The following UBE3A variants were observed in gnomAD, a reference collection of about 807,000 sequenced individuals.
The protein encoded by UBE3A is ubiquitin protein ligase E3A, also known as ubiquitin-protein ligase E3A.
UBE3A carries 6 observed loss-of-function variants against 83.4 expected under a neutral mutation model. The ratio of observed to expected loss-of-function variants is 0.07; its 90% CI spans 0.04 to 0.14. The LOEUF (loss-of-function observed/expected upper bound fraction) is 0.14. UBE3A is among the 10% of genes least tolerant of loss of function. The pLI is 1.00. For synonymous variants in UBE3A, 337 were observed against 355.4 expected (o/e 0.95, Z 0.58); for missense variants, 456 against 1,036.1 (o/e 0.44, Z 7.69).
At chr15:25,376,487 T>A (rs146815289) in intron 4 of UBE3A, among the ~76,000 whole-genome samples, 1 of 151,598 alleles carries the variant, frequency 6.6e-6, no homozygotes, top group Non-Finnish European at 1.5e-5. Flanking sequence ...CTCTACAAAC[T>A]TTTTTAAAAA....
At chr15:25,425,249 T>C (rs1180965883) in intron 1 of UBE3A, among the ~76,000 whole-genome samples, 1 of 152,046 alleles carries the variant, frequency 6.6e-6, no homozygotes, top group Non-Finnish European at 1.5e-5. Flanking sequence ...ATATGAAATA[T>C]CCAGAATAAA....
chr15:25,348,072 A>C (rs1027860285), intron 11 of UBE3A, among the ~76,000 whole-genome samples: 2 of 152,136 alleles, frequency 1.3e-5, no homozygotes, highest in African/African-American at 2.4e-5. Flanking sequence ...CACTCATATC[A>C]GATTCAGAGC....
At position 25,405,697 on chromosome 15, in the gene UBE3A, A is replaced by T; in HGVS notation, c.21-195T>A. 3 of 610,622 alleles carry T rather than the reference A, an allele frequency of 4.9e-6. No homozygotes were observed. In the South Asian group the frequency reaches 6.0e-5, roughly 12 times the overall value. The allele number at this position is 610,622 out of a possible 1,614,324, so 37.8% of individuals were successfully genotyped here. On this transcript the variant is annotated intron_variant, in intron 3 of 12. Coordinates refer to ENST00000648336, the MANE Select transcript of UBE3A (RefSeq NM_130839.5). ...ACAACACATTTATTTTAAGGGTTGG[A>T]CTATTAAAAAACTCAATGCATGTTT...
intron 1 of UBE3A, among the ~76,000 whole-genome samples, chr15:25,415,478 A>G (rs1355348134): frequency 2.0e-5 from 3 of 152,058 alleles, no homozygotes; most frequent in South Asian, 2.1e-4. Context: ...TCTGACTTCA[A>G]TGCTTTTGCT....
intron 1 of UBE3A, among the ~76,000 whole-genome samples, chr15:25,417,116 C>CA (rs1218550918): frequency 1.3e-5 from 2 of 152,056 alleles, no homozygotes; most frequent in Non-Finnish European, 2.9e-5. Context: ...GAAAGAGGGG[C>CA]AGTAAGCTGA....
rs1168400060 is a variant in UBE3A at position 25,430,084 on chromosome 15, TA to T, written c.-165+8404del. 1.5e-4 allele frequency among the ~76,000 whole-genome samples: 15 copies of T among 97,788 alleles called. 1 individual carries two copies. The highest frequency in any genetic ancestry group is 7.2e-4 in the African/African-American group (13 of 18,128). The allele number at this position is 97,788 out of a possible 152,430, so 64.2% of individuals were successfully genotyped here. ...ATTATATATATATAATACATATATA[TA>T]AGATTATATATATATTATATATATA... On this transcript the variant is annotated intron_variant, in intron 1 of 12. Transcript: ENST00000648336.
intron 6 of UBE3A, among the ~76,000 whole-genome samples, chr15:25,367,684 A>C (rs947928428): frequency 6.6e-6 from 1 of 152,158 alleles, no homozygotes; most frequent in South Asian, 2.1e-4. Context: ...TAATAAAATG[A>C]TAGTGTTTCC....
intron 4 of UBE3A, among the ~76,000 whole-genome samples, chr15:25,386,784 G>A (rs1032165948): frequency 1.3e-5 from 2 of 151,788 alleles, no homozygotes; most frequent in Admixed American, 6.6e-5. Context: ...GAAAAAGAGT[G>A]AAATATTCAT....
intron 4 of UBE3A, among the ~76,000 whole-genome samples, chr15:25,384,561 AT>A (rs901300617): frequency 6.6e-6 from 1 of 152,142 alleles, no homozygotes; most frequent in Admixed American, 6.5e-5. Flanking sequence ...GAATTGGAAG[AT>A]TTAGTACTGT....
chr15:25,372,915 A>G (rs2080532167), intron 5 of UBE3A, among the ~76,000 whole-genome samples: 1 of 152,186 alleles, frequency 6.6e-6, no homozygotes, highest in Non-Finnish European at 1.5e-5. Flanking sequence ...ATGTTTCACA[A>G]TGAAAGACAA....
chr15:25,355,840 G>C lies in UBE3A; in HGVS notation c.2124+52C>G, dbSNP rs146987919. The C allele has an allele frequency of 5.8e-4, 881 of 1,521,992 alleles. 4 individuals carry two copies. The highest frequency in any genetic ancestry group is 3.5e-3 in the Middle Eastern group (15 of 4,330). The allele number at this position is 1,521,992 out of a possible 1,614,324, so 94.3% of individuals were successfully genotyped here. ...TTCTTTAAAAATTATAAGCATACATGCTTTGAAAGTGTTAATGAAGAGACA... is the reference window on the plus strand; with the variant it reads ...TTCTTTAAAAATTATAAGCATACATCCTTTGAAAGTGTTAATGAAGAGACA... On this transcript the variant is annotated intron_variant, in intron 9 of 12. Transcript: ENST00000648336.
rs1040916544 is a variant in UBE3A, at chr15:25,438,085, G to A, written c.-165+404C>T. The A allele has an allele frequency of 2.0e-5, 3 of 152,282 alleles. No homozygotes were observed. In the East Asian group the frequency reaches 5.8e-4, roughly 29 times the overall value. The allele number at this position is 152,282 out of a possible 1,614,324, so 9.4% of individuals were successfully genotyped here. A position where few individuals can be genotyped will look rare whatever the true frequency, so the allele number is the denominator to read the frequency against. ...ACGGCTAAATATGTCTTCCCCAAGA[G>A]AGCCAAAAACCTTGAAAACGCCGAG... On this transcript the variant is annotated intron_variant, in intron 1 of 12. Transcript: ENST00000648336.
chr15:25,396,348 T>C (rs1216267484), intron 4 of UBE3A, among the ~76,000 whole-genome samples: 1 of 152,122 alleles, frequency 6.6e-6, no homozygotes, highest in East Asian at 1.9e-4. Context: ...CTCACGTCTG[T>C]AGTCCCAGCA....
intron 4 of UBE3A, among the ~76,000 whole-genome samples, chr15:25,398,668 T>A (rs954831169): frequency 1.3e-5 from 2 of 150,676 alleles, no homozygotes; most frequent in Non-Finnish European, 3.0e-5. Flanking sequence ...ATTTTCTTTA[T>A]CCATGAACAC....
chr15:25,369,360 A>C (rs1463839386), intron 6 of UBE3A, among the ~76,000 whole-genome samples: 1 of 149,996 alleles, frequency 6.7e-6, no homozygotes, highest in South Asian at 2.1e-4. Flanking sequence ...TAAAAAAAAA[A>C]AACAAACCAG....
intron 1 of UBE3A, among the ~76,000 whole-genome samples, chr15:25,435,315 G>A (rs1464233189): frequency 6.6e-6 from 1 of 152,078 alleles, no homozygotes; most frequent in Non-Finnish European, 1.5e-5. Flanking sequence ...CATCTTTCTT[G>A]TCTTTGTGGG....
chr15:25,360,577 G>GA lies in UBE3A; in HGVS notation c.1609-51dup, dbSNP rs369867124. ...AAAAGAAGATGATTGCTAGTATCAG[G>GA]AAAAAAACAAAATAAAAACAAGGAG... is the stretch of plus-strand genomic sequence containing the variant. On this transcript the variant is annotated intron_variant, in intron 6 of 12. Coordinates refer to ENST00000648336, the MANE Select transcript of UBE3A (RefSeq NM_130839.5). 1.3e-3 allele frequency: 2,148 copies of GA among 1,591,172 alleles called. 38 individuals are homozygous for GA. The South Asian group carries it at 0.023, about 17-fold the overall frequency.
chr15:25,399,696 GT>G (rs2086617852), intron 4 of UBE3A, among the ~76,000 whole-genome samples: 1 of 151,836 alleles, frequency 6.6e-6, no homozygotes, highest in African/African-American at 2.4e-5. Context: ...AGCCTCTCGG[GT>G]AGCTAGGACT....
At chr15:25,404,699 G>A (rs2088032351) in intron 4 of UBE3A, among the ~76,000 whole-genome samples, 1 of 152,080 alleles carries the variant, frequency 6.6e-6, no homozygotes, top group African/African-American at 2.4e-5. Context: ...TCTACCTACT[G>A]AGCAAATTCT....
Sources: allele counts gnomAD v4.1 joint callset (sites outside exome capture counted in the v4.1 genomes callset), GRCh38; gene constraint gnomAD v4.1.1; transcripts MANE v1.5; gene names NCBI Gene and HGNC (gene_info 2026-07-23, HGNC 2026-07-21).